Variants in CYP19A1 observed in about 807,000 individuals in gnomAD.
CYP19A1 encodes the protein cytochrome P450 family 19 subfamily A member 1.
CYP19A1 carries 32 observed loss-of-function variants against 44.4 expected under a neutral mutation model. The ratio of observed to expected loss-of-function variants is 0.72; its 90% CI spans 0.54 to 0.97. The LOEUF is 0.97. CYP19A1 is among the 50% of genes least tolerant of loss of function. The pLI is 0.00. For missense variants in CYP19A1, 598 were observed against 637.8 expected (o/e 0.94, Z 0.67); for synonymous variants, 212 against 215.6 (o/e 0.98, Z 0.14).
intron 1 of CYP19A1, among the ~76,000 whole-genome samples, chr15:51,258,482 C>T (rs1179665016): frequency 6.6e-6 from 1 of 152,218 alleles, no homozygotes; most frequent in Non-Finnish European, 1.5e-5. Context: ...CTTGACTCTC[C>T]TATAAACTAT....
At chr15:51,295,432 T>C (rs958526264) in intron 1 of CYP19A1, among the ~76,000 whole-genome samples, 1 of 152,136 alleles carries the variant, frequency 6.6e-6, no homozygotes, top group Non-Finnish European at 1.5e-5. Context: ...TACTGCCAGA[T>C]TGCCTTGCCT....
chr15:51,240,238 T>C (rs1014088281), intron 2 of CYP19A1, among the ~76,000 whole-genome samples: 1 of 152,060 alleles, frequency 6.6e-6, no homozygotes, highest in Non-Finnish European at 1.5e-5. Context: ...CTCCTGCCCC[T>C]AAGCAGGAAA....
rs1398943498 is a variant in CYP19A1, at chr15:51,216,216, C to G, written c.744-399G>C. Among the ~76,000 whole-genome samples the G allele has an allele frequency of 2.6e-5, 4 of 152,094 alleles. No homozygotes were observed. In the South Asian group the frequency reaches 8.3e-4, roughly 32 times the overall value. On this transcript the variant is annotated intron_variant, in intron 6 of 9. Transcript: ENST00000396402. ...GCTCTTCAGTTTGCCACAGGAACCT[C>G]CATTCCCTTGTCTTACATTCCCATA...
At chr15:51,298,274 C>A (rs568228184) in intron 1 of CYP19A1, among the ~76,000 whole-genome samples, 2 of 152,284 alleles carry the variant, frequency 1.3e-5, no homozygotes, top group South Asian at 4.2e-4. Context: ...AGATTTAGCA[C>A]CCTGATGTCA....
At chr15:51,296,540 C>T (rs2035998368) in intron 1 of CYP19A1, among the ~76,000 whole-genome samples, 3 of 152,148 alleles carry the variant, frequency 2.0e-5, no homozygotes, top group South Asian at 2.1e-4. Flanking sequence ...AGTGTACATC[C>T]GCGGGAAACT....
chr15:51,282,527 C>A (rs886867849), intron 1 of CYP19A1, among the ~76,000 whole-genome samples: 3 of 152,208 alleles, frequency 2.0e-5, no homozygotes, highest in African/African-American at 7.2e-5. Flanking sequence ...GTTTGACCAC[C>A]AATAAATAGT....
intron 1 of CYP19A1, among the ~76,000 whole-genome samples, chr15:51,268,296 T>C (rs2035001637): frequency 6.6e-6 from 1 of 152,232 alleles, no homozygotes; most frequent in South Asian, 2.1e-4. Flanking sequence ...ATTTGCTCCC[T>C]GTCATTATTG....
intron 8 of CYP19A1, among the ~76,000 whole-genome samples, chr15:51,213,838 C>T (rs774159920): frequency 3.3e-5 from 5 of 152,192 alleles, no homozygotes; most frequent in African/African-American, 9.7e-5. Flanking sequence ...CCATGAGCCC[C>T]GTGAGTGCAG....
At chr15:51,299,783 A>T (rs867938520) in intron 1 of CYP19A1, among the ~76,000 whole-genome samples, 1 of 152,348 alleles carries the variant, frequency 6.6e-6, no homozygotes, top group Middle Eastern at 3.4e-3. Flanking sequence ...CAGGGGAGAT[A>T]AGACCTTTGC....
At position 51,215,218 on chromosome 15, in the gene CYP19A1, C is replaced by A; in HGVS notation, c.873G>T (p.Leu291=). ...ELILAEKRGD[L]TRENVNQCIL... is the part of the protein sequence containing the mutation. ...TGCACTGGTTCACATTCTCTCTTGTCAGGTCACCACGTTTCTGAACAATTG... is the reference window on the plus strand; with the variant it reads ...TGCACTGGTTCACATTCTCTCTTGTAAGGTCACCACGTTTCTGAACAATTG... The change falls in exon 8 of 10, where the codon CTG becomes CTT. Residue 291 remains leucine, a synonymous_variant. Transcript: ENST00000396402. The A allele has an allele frequency of 6.2e-7, 1 of 1,614,002 alleles. No homozygotes were observed. Among genetic ancestry groups the A allele is most frequent in the Non-Finnish European group, 8.5e-7 (1 of 1,179,966 alleles).
chr15:51,337,260 G>C (rs2036791849), intron 1 of CYP19A1, among the ~76,000 whole-genome samples: 1 of 152,194 alleles, frequency 6.6e-6, no homozygotes, highest in African/African-American at 2.4e-5. Context: ...GGATGTGGAA[G>C]AACTAAGATG....
chr15:51,244,582 G>A (rs1002466046), intron 1 of CYP19A1, among the ~76,000 whole-genome samples: 5 of 152,120 alleles, frequency 3.3e-5, no homozygotes, highest in African/African-American at 1.2e-4. Context: ...AATTTCTAGA[G>A]TGGAATTTGA....
chr15:51,242,382 T>A, intron 2 of CYP19A1: 2 of 287,454 alleles, frequency 7.0e-6, no homozygotes, highest in East Asian at 9.2e-5. Context: ...AGAAAAGCAG[T>A]GAAGAAGATG....
intron 1 of CYP19A1, among the ~76,000 whole-genome samples, chr15:51,282,299 A>C (rs1368269306): frequency 6.6e-6 from 1 of 152,248 alleles, no homozygotes; most frequent in Non-Finnish European, 1.5e-5. Flanking sequence ...CATGTCTGAC[A>C]TAATGTCCAG....
At chr15:51,308,452 C>A (rs999040330) in intron 1 of CYP19A1, among the ~76,000 whole-genome samples, 4 of 152,100 alleles carry the variant, frequency 2.6e-5, no homozygotes, top group African/African-American at 9.7e-5. Context: ...GGGGAATAAG[C>A]ACTTGATTGA....
intron 3 of CYP19A1, among the ~76,000 whole-genome samples, chr15:51,233,990 C>A (rs1361748156): frequency 6.6e-6 from 1 of 152,162 alleles, no homozygotes; most frequent in Non-Finnish European, 1.5e-5. Context: ...TTCTGCAGCC[C>A]CTACTACTTT....
chr15:51,327,075 G>A (rs376270065), intron 1 of CYP19A1, among the ~76,000 whole-genome samples: 3 of 152,130 alleles, frequency 2.0e-5, no homozygotes, highest in East Asian at 1.9e-4. Context: ...AAAGCAGCTC[G>A]TATTTTTGGT....
intron 1 of CYP19A1, among the ~76,000 whole-genome samples, chr15:51,304,890 C>CATT (rs1555398466): frequency 2.9e-5 from 3 of 104,574 alleles, no homozygotes; most frequent in Non-Finnish European, 5.3e-5. Context: ...GTGTCTCTTC[C>CATT]TTTTTTTTTT....
At chr15:51,311,404 T>A (rs907655042) in intron 1 of CYP19A1, among the ~76,000 whole-genome samples, 3 of 152,156 alleles carry the variant, frequency 2.0e-5, no homozygotes, top group Admixed American at 6.5e-5. Flanking sequence ...AGAAGGTAGA[T>A]CATCAGAAAT....
Sources: gnomAD v4.1 joint callset for allele counts (sites outside exome capture counted in the v4.1 genomes callset) on GRCh38, gnomAD v4.1.1 for gene constraint, MANE v1.5 for transcripts, NCBI Gene and HGNC (gene_info 2026-07-23, HGNC 2026-07-21) for gene names.